Variants in NUBPL observed in about 807,000 individuals in gnomAD.
The protein encoded by NUBPL is iron-sulfur cluster transfer protein NUBPL.
NUBPL carries 31 observed loss-of-function variants against 45.7 expected under a neutral mutation model. The ratio of observed to expected loss-of-function variants is 0.68; its 90% confidence interval spans 0.51 to 0.92. The LOEUF (loss-of-function observed/expected upper bound fraction) is 0.92, where lower values mean the gene tolerates loss of function less well. Ranked by LOEUF, NUBPL falls within the 40% of genes least tolerant of loss-of-function variation. The pLI, the probability that NUBPL is intolerant of heterozygous loss-of-function variation, is 0.00. For missense variants in NUBPL, 401 were observed against 398.7 expected (o/e 1.01, Z -0.05); for synonymous variants, 144 against 140.9 (o/e 1.02, Z -0.15).
At chr14:31,578,408 G>A (rs1404737348) in intron 3 of NUBPL, among the ~76,000 whole-genome samples, 2 of 152,156 alleles carry the variant, frequency 1.3e-5, no homozygotes, top group African/African-American at 4.8e-5. Context: ...TCACGTGACA[G>A]ATTTCATTCC....
At chr14:31,815,947 T>C (rs2039906812) in intron 7 of NUBPL, among the ~76,000 whole-genome samples, 2 of 152,212 alleles carry the variant, frequency 1.3e-5, no homozygotes, top group Non-Finnish European at 1.5e-5. Context: ...CAGTATTTTA[T>C]TGAGGATTTT....
chr14:31,826,742 A>C, intron 8 of NUBPL, 28 bp downstream of exon 8: 1 of 1,581,868 alleles, frequency 6.3e-7, no homozygotes, highest in Non-Finnish European at 8.7e-7. Context: ...CACTGTGAAA[A>C]ATATAAAACT....
At chr14:31,858,642 G>A (rs1378527703) in intron 10 of NUBPL, among the ~76,000 whole-genome samples, 2 of 151,964 alleles carry the variant, frequency 1.3e-5, no homozygotes, top group East Asian at 3.9e-4. Context: ...TAGGTGCTTG[G>A]TGCTGGTATT....
At chr14:31,682,543 T>C (rs962633475) in intron 6 of NUBPL, among the ~76,000 whole-genome samples, 1 of 152,196 alleles carries the variant, frequency 6.6e-6, no homozygotes, top group East Asian at 1.9e-4. Flanking sequence ...GGTTTCAGTC[T>C]ACCATTTTGA....
intron 4 of NUBPL, among the ~76,000 whole-genome samples, chr14:31,650,287 CTTTTTTT>C (rs35127795): frequency 2.6e-5 from 3 of 116,598 alleles, no homozygotes; most frequent in Non-Finnish European, 1.7e-5. Flanking sequence ...GGCTTTCTTT[CTTTTTTT>C]TTTTTTTTTT....
intron 4 of NUBPL, among the ~76,000 whole-genome samples, chr14:31,639,789 G>A (rs1295185201): frequency 6.6e-5 from 10 of 152,286 alleles, no homozygotes; most frequent in African/African-American, 1.4e-4. Flanking sequence ...GGGCAATGGC[G>A]GGCGCCCCTC....
intron 9 of NUBPL, among the ~76,000 whole-genome samples, chr14:31,848,145 A>T (rs1486446762): frequency 6.6e-6 from 1 of 152,238 alleles, no homozygotes; most frequent in Admixed American, 6.5e-5. Flanking sequence ...TGTATCAAAA[A>T]CACTGACTAC....
intron 4 of NUBPL, among the ~76,000 whole-genome samples, chr14:31,667,378 G>C (rs10132643): frequency 0.039 from 5,971 of 151,790 alleles, 173 homozygotes; most frequent in African/African-American, 0.087. Flanking sequence ...TGAAGTTCTC[G>C]TGCTGTGTTT....
intron 3 of NUBPL, among the ~76,000 whole-genome samples, chr14:31,591,822 T>G (rs1352672131): frequency 6.6e-6 from 1 of 152,192 alleles, no homozygotes; most frequent in Non-Finnish European, 1.5e-5. Context: ...ACTGAAATTC[T>G]ACAGAATAAC....
chr14:31,768,183 G>A (rs2038946713), intron 6 of NUBPL, among the ~76,000 whole-genome samples: 1 of 152,108 alleles, frequency 6.6e-6, no homozygotes, highest in Admixed American at 6.5e-5. Flanking sequence ...CTGTTTCTTA[G>A]CTAAAATTCC....
chr14:31,615,925 C>T lies in NUBPL; in HGVS notation c.382+16546C>T, dbSNP rs563539279. Among the ~76,000 whole-genome samples, 12 of 152,282 alleles carry T rather than the reference C, an allele frequency of 7.9e-5. No homozygotes were observed. In the South Asian group the frequency reaches 1.2e-3, roughly 16 times the overall value. On this transcript the variant is annotated intron_variant, in intron 4 of 10. Coordinates refer to ENST00000281081, the MANE Select transcript of NUBPL (RefSeq NM_025152.3). ...TACACTCCTAGCAACAGTGTAAAAGCGTTCCTATTTCTCCACATCCTCTCC... is the reference window on the plus strand; with the variant it reads ...TACACTCCTAGCAACAGTGTAAAAGTGTTCCTATTTCTCCACATCCTCTCC...
In NUBPL at chr14:31,810,813, T is replaced by G. The variant is rs61994443; in HGVS notation, c.608-15816T>G. On this transcript the variant is annotated intron_variant, in intron 7 of 10. Coordinates refer to ENST00000281081, the MANE Select transcript of NUBPL (RefSeq NM_025152.3). ...CAGGAGCTTTTGTAAGGCAGGCCTG[T>G]TGGTGACAAAATCTCTCAGCATTTG... Among the ~76,000 whole-genome samples, 602 of 151,650 alleles carry G rather than the reference T, an allele frequency of 4.0e-3. 2 individuals are homozygous for G. Among genetic ancestry groups the G allele is most frequent in the Admixed American group, 6.4e-3 (97 of 15,256 alleles).
intron 3 of NUBPL, among the ~76,000 whole-genome samples, chr14:31,595,235 C>G (rs1333926694): frequency 6.6e-6 from 1 of 152,052 alleles, no homozygotes; most frequent in Non-Finnish European, 1.5e-5. Context: ...AAATTATAAA[C>G]AAATCCAAAA....
chr14:31,814,643 T>C (rs2039879859), intron 7 of NUBPL, among the ~76,000 whole-genome samples: 1 of 152,190 alleles, frequency 6.6e-6, no homozygotes, highest in South Asian at 2.1e-4. Context: ...TTCCCTAGGT[T>C]TTCTTCTAGG....
chr14:31,675,726 C>G (rs2036678512), intron 6 of NUBPL, among the ~76,000 whole-genome samples: 1 of 152,122 alleles, frequency 6.6e-6, no homozygotes, highest in African/African-American at 2.4e-5. Context: ...AACTAGAAGT[C>G]TGGTTTAAAG....
intron 3 of NUBPL, among the ~76,000 whole-genome samples, chr14:31,580,746 C>A (rs910851204): frequency 6.6e-6 from 1 of 152,094 alleles, no homozygotes; most frequent in Non-Finnish European, 1.5e-5. Context: ...ACAGGAAGAG[C>A]AAAAGCCCTG....
chr14:31,649,310 C>T (rs906782147), intron 4 of NUBPL, among the ~76,000 whole-genome samples: 2 of 152,138 alleles, frequency 1.3e-5, no homozygotes, highest in South Asian at 2.1e-4. Flanking sequence ...GCTACCCTGT[C>T]GCTCATTTGA....
intron 3 of NUBPL, among the ~76,000 whole-genome samples, chr14:31,595,275 T>C (rs893707753): frequency 2.0e-5 from 3 of 152,220 alleles, no homozygotes; most frequent in African/African-American, 7.2e-5. Context: ...GTTTGATCTA[T>C]CTTGTTTTAT....
intron 6 of NUBPL, chr14:31,686,762 A>G (rs1325140283): frequency 6.6e-6 from 1 of 152,178 alleles, no homozygotes; most frequent in Non-Finnish European, 1.5e-5. Context: ...TCCCTGTATC[A>G]TTTCAATTTT....
Sources: gnomAD v4.1 joint callset for allele counts (sites outside exome capture counted in the v4.1 genomes callset) on GRCh38, gnomAD v4.1.1 for gene constraint, MANE v1.5 for transcripts, NCBI Gene and HGNC (gene_info 2026-07-23, HGNC 2026-07-21) for gene names.